The following MEGF10 variants were observed in gnomAD, a reference collection of about 807,000 sequenced individuals.
MEGF10 encodes multiple EGF like domains 10.
Under a neutral mutation model 147.5 loss-of-function variants are expected in MEGF10, and 86 were observed. That is an observed-to-expected ratio of 0.58 (90% CI 0.49 to 0.70). MEGF10 has a LOEUF of 0.70. Ranked by LOEUF, MEGF10 falls within the 30% of genes least tolerant of loss-of-function variation. The pLI is 0.00. For missense variants in MEGF10, 1,329 were observed against 1,487.3 expected, an observed-to-expected ratio of 0.89 and a Z score of 1.75; for synonymous variants, 478 against 525.5, an observed-to-expected ratio of 0.91 and a Z score of 1.24.
the MEGF10 span, among the ~76,000 whole-genome samples, chr5:127,263,672 T>C: frequency 6.6e-6 from 1 of 152,172 alleles, no homozygotes; most frequent in South Asian, 2.1e-4. Context: ...TCTTTATTAA[T>C]ATGGGATTTG....
At chr5:127,408,729 C>A (rs1437007389) in intron 8 of MEGF10, among the ~76,000 whole-genome samples, 1 of 152,140 alleles carries the variant, frequency 6.6e-6, no homozygotes, top group East Asian at 1.9e-4. Flanking sequence ...ACATGAGATT[C>A]TTTTCCTTGT....
At chr5:127,266,481 G>A in the MEGF10 span, among the ~76,000 whole-genome samples, 6 of 152,132 alleles carry the variant, frequency 3.9e-5, no homozygotes, top group African/African-American at 9.7e-5. Context: ...GCTTGATGGC[G>A]ATGGCGTTGA....
intron 4 of MEGF10, among the ~76,000 whole-genome samples, chr5:127,342,818 C>T (rs1246301658): frequency 1.3e-5 from 2 of 151,852 alleles, no homozygotes; most frequent in Non-Finnish European, 2.9e-5. Flanking sequence ...TGCTGACCAA[C>T]TGCCCCTGAG....
rs554759600 is a variant in MEGF10 at position 127,423,895 on chromosome 5, C to CT, written c.1693+1129dup. The stretch of plus-strand genomic sequence containing the variant: ...TTTATTTTGATGAAGTCTAGTTTAT[C>CT]TTTTTTATTTCATTGCTTGTGCTTT... On this transcript the variant is annotated intron_variant, in intron 13 of 24. Coordinates refer to ENST00000503335, the MANE Select transcript of MEGF10 (RefSeq NM_001256545.2). 2.3e-3 allele frequency among the ~76,000 whole-genome samples: 350 copies of CT among 151,966 alleles called. 3 individuals are homozygous for CT. Among genetic ancestry groups the CT allele is most frequent in the Middle Eastern group, 0.01 (3 of 294 alleles).
At chr5:127,333,599 A>G (rs1347326322) in intron 2 of MEGF10, among the ~76,000 whole-genome samples, 1 of 152,154 alleles carries the variant, frequency 6.6e-6, no homozygotes, top group East Asian at 1.9e-4. Flanking sequence ...ATAAATACAC[A>G]TTTTGTCCTG....
At chr5:127,454,799 G>A (rs922637720) in intron 23 of MEGF10, among the ~76,000 whole-genome samples, 189 bp downstream of exon 23, 1 of 152,196 alleles carries the variant, frequency 6.6e-6, no homozygotes, top group Non-Finnish European at 1.5e-5. Flanking sequence ...GTGGTCCTTG[G>A]TAGAGCTTAA....
Position 127,338,202 on chromosome 5 carries a change from C to T in MEGF10, c.117-918C>T, listed in dbSNP as rs935540648. On this transcript the variant is annotated intron_variant, in intron 2 of 24. Transcript: ENST00000503335. ...CAGCAAATGAGTCTGTGATTATGGC[C>T]CATTTTTTTGTTTGTGTGAATTAAA... Among the ~76,000 whole-genome samples the T allele has an allele frequency of 3.3e-5, 5 of 151,802 alleles. No individual in the cohort carries two copies. The East Asian group carries it at 7.7e-4, about 23-fold the overall frequency.
At chr5:127,390,072 A>G (rs1373907755) in intron 5 of MEGF10, among the ~76,000 whole-genome samples, 1 of 152,214 alleles carries the variant, frequency 6.6e-6, no homozygotes, top group African/African-American at 2.4e-5. Flanking sequence ...ACCTGGTTAA[A>G]CCAAATGAAT....
At chr5:127,265,146 C>A in the MEGF10 span, among the ~76,000 whole-genome samples, 1 of 152,126 alleles carries the variant, frequency 6.6e-6, no homozygotes, top group African/African-American at 2.4e-5. Flanking sequence ...CAGTTCCCAC[C>A]TATGAGTGAG....
chr5:127,454,210 T>C (rs1223354010), intron 22 of MEGF10, among the ~76,000 whole-genome samples: 1 of 152,232 alleles, frequency 6.6e-6, no homozygotes, highest in African/African-American at 2.4e-5. Context: ...CATCAGAGCC[T>C]TGAAAGAGCT....
rs754729105 is a variant in MEGF10 at position 127,331,376 on chromosome 5, C to T, written c.68C>T (p.Ala23Val). The T allele has an allele frequency of 1.9e-6, 3 of 1,613,250 alleles. No homozygotes were observed. The highest frequency in any genetic ancestry group is 1.7e-4 in the Middle Eastern group (1 of 6,056). ...TTGTTATGCCACTGGATTGGGACAG[C>T]ATCACCTCTGAATCTTGAAGACCCT... is the stretch of plus-strand genomic sequence containing the variant. ...CLLLCHWIGT[A>V]SPLNLEDPNV... Residue 23 changes from alanine (A) to valine (V), a missense_variant, in exon 2 of 25, where the codon GCA becomes GTA. Physicochemically the swap from Ala to Val is moderately conservative, Grantham distance 64 (BLOSUM62 0). Around this residue, in one of 3 missense-constraint regions of MEGF10, gnomAD observed 980 missense variants for 1,085.9 expected, o/e 0.90. Transcript: ENST00000503335.
At position 127,456,721 on chromosome 5, in the gene MEGF10, G is replaced by A. The variant is rs368268111; in HGVS notation, c.3233-407G>A. ...GATGGGAACTCAAATGAGAGCCTGA[G>A]TCTTGAGTCCTAAAGTTCTGAACAT... On this transcript the variant is annotated intron_variant, in intron 24 of 24. Transcript: ENST00000503335. Among the ~76,000 whole-genome samples, 29 of 152,312 alleles carry A rather than the reference G, an allele frequency of 1.9e-4. No individual in the cohort carries two copies. In the South Asian group the frequency reaches 4.4e-3, roughly 23 times the overall value.
intron 13 of MEGF10, among the ~76,000 whole-genome samples, chr5:127,432,524 C>T (rs74446721): frequency 0.016 from 2,401 of 152,326 alleles, 66 homozygotes; most frequent in African/African-American, 0.055. Flanking sequence ...ATGTGAAGAA[C>T]ATTTCTTTGA....
At chr5:127,314,110 G>A (rs2126745858) in intron 1 of MEGF10, among the ~76,000 whole-genome samples, 1 of 152,216 alleles carries the variant, frequency 6.6e-6, no homozygotes, top group East Asian at 1.9e-4. Flanking sequence ...TGCCTGCTGA[G>A]GCATCTGTTC....
At chr5:127,266,128 T>C in the MEGF10 span, among the ~76,000 whole-genome samples, 8 of 152,088 alleles carry the variant, frequency 5.3e-5, no homozygotes, top group East Asian at 1.5e-3. Flanking sequence ...CAGTTTCAGC[T>C]TTCTACATAT....
rs367785030 is a variant in MEGF10 at position 127,396,525 on chromosome 5, A to G, written c.413-7A>G. On this transcript the variant is annotated splice_region_variant and splice_polypyrimidine_tract_variant and intron_variant, in intron 5 of 24. Coordinates refer to ENST00000503335, the MANE Select transcript of MEGF10 (RefSeq NM_001256545.2). ...CTGATATCCACTGTTTCTCTCCTCA[A>G]TCTCAGCCTGCGATGGTGATCACTG... 1.1e-5 allele frequency: 17 copies of G among 1,524,498 alleles called. No homozygotes were observed. The highest frequency in any genetic ancestry group is 1.4e-5 in the Non-Finnish European group (16 of 1,133,238). 94.4% of individuals were successfully genotyped at this position (1,524,498 alleles called of 1,614,324 possible). A position where few individuals can be genotyped will look rare whatever the true frequency, so the allele number is the denominator to read the frequency against.
At chr5:127,423,127 TAGTG>T (rs1458372223) in intron 13 of MEGF10, among the ~76,000 whole-genome samples, 1 of 152,154 alleles carries the variant, frequency 6.6e-6, no homozygotes, top group East Asian at 1.9e-4. Context: ...AGGGTCACCT[TAGTG>T]AGGCAAAAAA....
chr5:127,306,078 G>A (rs2585193), intron 1 of MEGF10, among the ~76,000 whole-genome samples: 100,412 of 152,106 alleles, frequency 0.66, 33,515 homozygotes, highest in Middle Eastern at 0.8. Flanking sequence ...AAGGTTTCTT[G>A]TAGCTTAACC....
At chr5:127,401,941 T>C (rs1350365974) in intron 7 of MEGF10, among the ~76,000 whole-genome samples, 1 of 152,182 alleles carries the variant, frequency 6.6e-6, no homozygotes. Flanking sequence ...CTGCTGAAAA[T>C]AAAATGTTTT....
Sources: gnomAD v4.1 joint callset for allele counts (sites outside exome capture counted in the v4.1 genomes callset) on GRCh38, gnomAD v4.1.1 for gene constraint, gnomAD v4.1.1 regional missense constraint, MANE v1.5 for transcripts, NCBI Gene and HGNC (gene_info 2026-07-23, HGNC 2026-07-21) for gene names.